The following DNAJC5B variants were observed in gnomAD, a reference collection of about 807,000 sequenced individuals.
DNAJC5B encodes dnaJ homolog subfamily C member 5B.
In DNAJC5B, 23 loss-of-function variants were observed where a neutral mutation model predicts 24.7. The observed-to-expected ratio is 0.93, with a 90% CI of 0.67 to 1.32. The LOEUF (loss-of-function observed/expected upper bound fraction) is 1.32. DNAJC5B is among the 40% of genes most tolerant of loss of function. The pLI is 0.00. For missense variants in DNAJC5B, 238 were observed against 240.8 expected (o/e 0.99, Z 0.08); for synonymous variants, 101 against 90.1 (o/e 1.12, Z -0.68).
chr8:66,087,784 G>A (rs1318596032), intron 5 of DNAJC5B, among the ~76,000 whole-genome samples: 1 of 152,212 alleles, frequency 6.6e-6, no homozygotes, highest in Non-Finnish European at 1.5e-5. Context: ...TGATGCAAGA[G>A]GTGGGCCCTC....
At chr8:66,042,664 T>C (rs1228950214) in intron 1 of DNAJC5B, among the ~76,000 whole-genome samples, 1 of 148,910 alleles carries the variant, frequency 6.7e-6, no homozygotes, top group Non-Finnish European at 1.5e-5. Flanking sequence ...TTCTTCCTCC[T>C]ACTCCTCCTT....
intron 1 of DNAJC5B, among the ~76,000 whole-genome samples, chr8:66,028,761 T>C (rs1049710129): frequency 2.0e-5 from 3 of 152,170 alleles, no homozygotes; most frequent in East Asian, 1.9e-4. Flanking sequence ...TCTCCTCATC[T>C]TCCTCTAAGA....
chr8:66,076,038 T>C (rs908268386), intron 3 of DNAJC5B, among the ~76,000 whole-genome samples: 7 of 152,226 alleles, frequency 4.6e-5, no homozygotes, highest in Admixed American at 6.5e-5. Context: ...GAAGGCCTTA[T>C]GCCCACAAGA....
At chr8:66,075,052 C>T (rs1157822906) in intron 3 of DNAJC5B, among the ~76,000 whole-genome samples, 1 of 151,886 alleles carries the variant, frequency 6.6e-6, no homozygotes, top group African/African-American at 2.4e-5. Flanking sequence ...AGGCATTTTC[C>T]AGAGATTTCT....
At chr8:66,085,208 G>C (rs1430544423) in intron 5 of DNAJC5B, among the ~76,000 whole-genome samples, 1 of 152,168 alleles carries the variant, frequency 6.6e-6, no homozygotes, top group Non-Finnish European at 1.5e-5. Flanking sequence ...GGGAGGCGGA[G>C]GCTGGTGGAT....
intron 3 of DNAJC5B, among the ~76,000 whole-genome samples, chr8:66,056,248 T>G (rs1258567863): frequency 6.6e-6 from 1 of 152,132 alleles, no homozygotes; most frequent in Non-Finnish European, 1.5e-5. Flanking sequence ...TCCTCCAGAT[T>G]GAACAGAAGT....
At chr8:66,027,428 A>G (rs1806269424) in intron 1 of DNAJC5B, among the ~76,000 whole-genome samples, 1 of 152,208 alleles carries the variant, frequency 6.6e-6, no homozygotes, top group Admixed American at 6.5e-5. Context: ...CCCAAACATC[A>G]TGATGGCCAC....
intron 3 of DNAJC5B, among the ~76,000 whole-genome samples, chr8:66,052,346 T>C (rs1342022508): frequency 1.3e-5 from 2 of 152,160 alleles, no homozygotes; most frequent in East Asian, 1.9e-4. Flanking sequence ...ATGCTGTATT[T>C]GTAAGCTATA....
At chr8:66,081,163 C>A (rs942659730) in intron 5 of DNAJC5B, among the ~76,000 whole-genome samples, 1 of 152,060 alleles carries the variant, frequency 6.6e-6, no homozygotes, top group Non-Finnish European at 1.5e-5. Context: ...TGATGTAGTA[C>A]TTGATTCTTC....
Position 66,078,549 on chromosome 8 carries a change from G to C in DNAJC5B, c.333+1676G>C, listed in dbSNP as rs189307477. Among the ~76,000 whole-genome samples the C allele has an allele frequency of 2.6e-5, 4 of 152,106 alleles. No individual in the cohort carries two copies. In the East Asian group the frequency reaches 7.7e-4, roughly 29 times the overall value. On this transcript the variant is annotated intron_variant, in intron 4 of 5. Transcript: ENST00000276570. ...AACATTATATGAATGAAAAGAAAAA[G>C]TTCAGAGAAGAGAATAATATGGGAA...
chr8:66,097,461 C>T (rs1411636035), intron 5 of DNAJC5B, among the ~76,000 whole-genome samples: 6 of 151,908 alleles, frequency 3.9e-5, no homozygotes, highest in African/African-American at 1.4e-4. Context: ...AGATTTTTCT[C>T]AATTTTAAGC....
intron 3 of DNAJC5B, among the ~76,000 whole-genome samples, chr8:66,074,413 G>T (rs917967128): frequency 6.6e-6 from 1 of 152,200 alleles, no homozygotes; most frequent in Admixed American, 6.5e-5. Context: ...TAAACCACAT[G>T]TTTATCTTAT....
In DNAJC5B at chr8:66,058,733, T is replaced by C. The variant is rs565676143; in HGVS notation, c.119+7067T>C. Among the ~76,000 whole-genome samples the C allele has an allele frequency of 4.2e-4, 64 of 152,356 alleles. 1 individual carries two copies. The highest frequency in any genetic ancestry group is 1.5e-3 in the African/African-American group (62 of 41,578). ...CTGTGCATAAAGCACCTTTTTCCTC[T>C]TTCATCTGAAATTCAACCATACTTC... On this transcript the variant is annotated intron_variant, in intron 3 of 5. Transcript: ENST00000276570.
chr8:66,026,250 T>C (rs1806241233), intron 1 of DNAJC5B, among the ~76,000 whole-genome samples: 1 of 150,610 alleles, frequency 6.6e-6, no homozygotes, highest in South Asian at 2.1e-4. Context: ...ATAAGAATGC[T>C]TGTGATTTTT....
chr8:66,072,137 G>A (rs1203427645), intron 3 of DNAJC5B, among the ~76,000 whole-genome samples: 4 of 152,084 alleles, frequency 2.6e-5, no homozygotes, highest in African/African-American at 7.2e-5. Context: ...ACCATGGCAC[G>A]TGTGTACCTA....
chr8:66,051,510 T>A, intron 2 of DNAJC5B, 21 bp from the exon 3 acceptor site: 1 of 1,449,224 alleles, frequency 6.9e-7, no homozygotes, highest in Admixed American at 1.7e-5. Context: ...ATAACCTTCA[T>A]GGCTATTTTC....
At chr8:66,093,804 A>T (rs1807895702) in intron 5 of DNAJC5B, among the ~76,000 whole-genome samples, 2 of 152,152 alleles carry the variant, frequency 1.3e-5, no homozygotes, top group African/African-American at 2.4e-5. Flanking sequence ...GCTACCTCAA[A>T]CATATAAAGA....
At chr8:66,030,525 C>G (rs910819396) in intron 1 of DNAJC5B, among the ~76,000 whole-genome samples, 3 of 152,208 alleles carry the variant, frequency 2.0e-5, no homozygotes, top group African/African-American at 7.2e-5. Context: ...TGTGTCCTTC[C>G]CCTGCCACCA....
Position 66,099,976 on chromosome 8 carries a change from A to G in DNAJC5B, c.545A>G (p.Asn182Ser). ...FPVFLQPTNA[N>S]EKTQLIKEGS... is the part of the protein sequence containing the mutation. ...GTTTTTCTCCAGCCTACAAATGCAA[A>G]TGAGAAAACACAGCTAATCAAAGAA... Residue 182 changes from asparagine to serine, a missense_variant, in exon 6 of 6, where the codon AAT becomes AGT. By Grantham distance (46) the Asn-to-Ser change is conservative. Coordinates refer to ENST00000276570, the MANE Select transcript of DNAJC5B (RefSeq NM_033105.6). 1 of 1,614,010 alleles carries G rather than the reference A, an allele frequency of 6.2e-7. No individual in the cohort carries two copies. The highest frequency in any genetic ancestry group is 2.2e-5 in the East Asian group (1 of 44,872).
Sources: gnomAD v4.1 joint callset for allele counts (sites outside exome capture counted in the v4.1 genomes callset) on GRCh38, gnomAD v4.1.1 for gene constraint, MANE v1.5 for transcripts, NCBI Gene and HGNC (gene_info 2026-07-23, HGNC 2026-07-21) for gene names.